Variants in TIA1 observed in about 807,000 individuals in gnomAD.
TIA1 encodes TIA1 cytotoxic granule associated RNA binding protein, also known as cytotoxic granule associated RNA binding protein TIA1.
Under a neutral mutation model 65.9 loss-of-function variants are expected in TIA1, and 23 were observed. The observed-to-expected ratio is 0.35, with a 90% CI of 0.25 to 0.49. The LOEUF is 0.49. Among genes scored for constraint, TIA1 ranks in the 20% least tolerant of loss-of-function variants. The probability of loss-of-function intolerance (pLI) is 0.98; values close to 1 mark genes in which losing one functional copy is unlikely to be tolerated. For missense variants in TIA1, 371 were observed against 477.9 expected (o/e 0.78, Z 2.09); for synonymous variants, 147 against 149.4 (o/e 0.98, Z 0.12).
chr2:70,237,894 G>C (rs1689753445), intron 1 of TIA1, among the ~76,000 whole-genome samples: 1 of 151,782 alleles, frequency 6.6e-6, no homozygotes, highest in African/African-American at 2.4e-5. Context: ...GGGTGCGGTG[G>C]CTCATGCCTG....
chr2:70,212,650 A>T lies in TIA1; in HGVS notation c.*69T>A. 1 of 910,032 alleles carries T rather than the reference A, an allele frequency of 1.1e-6. No individual in the cohort carries two copies. The highest frequency in any genetic ancestry group is 1.8e-6 in the Non-Finnish European group (1 of 542,760). The allele number at this position is 910,032 out of a possible 1,614,324, so 56.4% of individuals were successfully genotyped here. On this transcript the variant is annotated 3_prime_UTR_variant, in exon 13 of 13. Coordinates refer to ENST00000433529, the MANE Select transcript of TIA1 (RefSeq NM_022173.4). ...GCACTGACTGATTTGATAAATCTTT[A>T]AGTAAACAACGGCTTTACTACACTC...
chr2:70,228,961 CCCG>C, intron 5 of TIA1, 95 bp downstream of exon 5: 1 of 215,952 alleles, frequency 4.6e-6, no homozygotes, highest in Non-Finnish European at 6.9e-6. Context: ...AATATCTCCT[CCCG>C]CCCCCCTCCC....
chr2:70,218,274 A>T (rs1030939457), intron 7 of TIA1, among the ~76,000 whole-genome samples: 3 of 152,224 alleles, frequency 2.0e-5, no homozygotes. Context: ...AGTAGAGAGA[A>T]AAGTATTGCA....
chr2:70,214,805 A>C, intron 11 of TIA1, among the ~76,000 whole-genome samples: 1 of 152,198 alleles, frequency 6.6e-6, no homozygotes, highest in East Asian at 1.9e-4. Context: ...TATACTATCT[A>C]CATGATTGTT....
intron 1 of TIA1, among the ~76,000 whole-genome samples, chr2:70,240,246 C>G (rs183637314): frequency 4.1e-4 from 63 of 152,280 alleles, no homozygotes; most frequent in Admixed American, 7.2e-4. Context: ...ATGAATTACA[C>G]AGTATCACCT....
intron 2 of TIA1, among the ~76,000 whole-genome samples, chr2:70,235,236 A>G (rs1688279797): frequency 6.6e-6 from 1 of 152,110 alleles, no homozygotes; most frequent in East Asian, 1.9e-4. Flanking sequence ...ACCAACATGG[A>G]GAAACCCCAT....
rs990148414 is a variant in TIA1 at position 70,229,334 on chromosome 2, T to G, written c.223-16A>C. The G allele has an allele frequency of 1.9e-6, 3 of 1,582,638 alleles. No homozygotes were observed. Among genetic ancestry groups the G allele is most frequent in the Non-Finnish European group, 2.6e-6 (3 of 1,159,666 alleles). On this transcript the variant is annotated splice_polypyrimidine_tract_variant and intron_variant, in intron 3 of 12. Transcript: ENST00000433529. ...CTTTGACTTCCTAAAAAAAAAAAATTTCTACATTTATACTTCACAAAAATA... is the reference window on the plus strand; with the variant it reads ...CTTTGACTTCCTAAAAAAAAAAAATGTCTACATTTATACTTCACAAAAATA...
intron 1 of TIA1, among the ~76,000 whole-genome samples, chr2:70,239,301 C>T (rs566087432): frequency 6.6e-6 from 1 of 152,198 alleles, no homozygotes; most frequent in South Asian, 2.1e-4. Context: ...ACCATGTTAG[C>T]CAGGATGGTC....
chr2:70,230,653 A>C (rs1204561407), intron 3 of TIA1, 103 bp downstream of exon 3: 1 of 292,082 alleles, frequency 3.4e-6, no homozygotes, highest in Non-Finnish European at 4.8e-6. Flanking sequence ...ATTTCATCTC[A>C]AAAAAAAAAA....
intron 2 of TIA1, among the ~76,000 whole-genome samples, chr2:70,235,402 C>A (rs1241881212): frequency 1.3e-5 from 2 of 151,924 alleles, no homozygotes; most frequent in African/African-American, 4.8e-5. Context: ...GCAACAAGAG[C>A]AAAACTCCGT....
chr2:70,222,682 G>A (rs149420536), intron 7 of TIA1, among the ~76,000 whole-genome samples: 288 of 152,316 alleles, frequency 1.9e-3, no homozygotes, highest in African/African-American at 6.1e-3. Flanking sequence ...CTGGGAGGCC[G>A]AGGCAGGTGG....
intron 1 of TIA1, among the ~76,000 whole-genome samples, chr2:70,243,007 A>G (rs993938046): frequency 5.3e-5 from 8 of 152,226 alleles, no homozygotes; most frequent in African/African-American, 1.4e-4. Context: ...CTCTATAAAT[A>G]TCTGTTAAAG....
At position 70,224,850 on chromosome 2, in the gene TIA1, G is replaced by A. The variant is rs1398383635; in HGVS notation, c.399-221C>T. On this transcript the variant is annotated intron_variant, in intron 6 of 12. Transcript: ENST00000433529. ...TTAAGTATATATGTATATTTATATTGTACAGAAATTGCCTCTCTCTTCAAA... is the reference window on the plus strand; with the variant it reads ...TTAAGTATATATGTATATTTATATTATACAGAAATTGCCTCTCTCTTCAAA... The A allele has an allele frequency of 3.1e-6, 4 of 1,270,894 alleles. No individual in the cohort carries two copies. The South Asian group carries it at 7.8e-5, about 25-fold the overall frequency. 78.7% of individuals were successfully genotyped at this position (1,270,894 alleles called of 1,614,324 possible).
chr2:70,225,180 A>G, intron 6 of TIA1: 2 of 1,026,702 alleles, frequency 1.9e-6, no homozygotes, highest in Non-Finnish European at 2.3e-6. Context: ...AAATCATTGA[A>G]GAAAAATACT....
chr2:70,215,262 A>G (rs1678080733), intron 11 of TIA1, 109 bp downstream of exon 11: 4 of 1,412,490 alleles, frequency 2.8e-6, no homozygotes, highest in Non-Finnish European at 3.9e-6. Context: ...GAGCCCTTAT[A>G]TACTATCATT....
chr2:70,216,276 C>T lies in TIA1; in HGVS notation c.696G>A (p.Gln232=). The stretch of plus-strand genomic sequence containing the variant: ...TTATTTGTCCAAATGGTGAAAAAGT[C>T]TGACGCATTAGTTGTTCTGTTAGAC... ...TSGLTEQLMR[Q]TFSPFGQIME... is the part of the protein sequence containing the mutation. The change falls in exon 10 of 13, where the codon CAG becomes CAA. Residue 232 remains glutamine (Q), a synonymous_variant. Transcript: ENST00000433529. The T allele has an allele frequency of 1.3e-6, 2 of 1,594,316 alleles. No individual in the cohort carries two copies. The highest frequency in any genetic ancestry group is 1.7e-6 in the Non-Finnish European group (2 of 1,174,726).
At chr2:70,218,267 A>G (rs2441356) in intron 7 of TIA1, among the ~76,000 whole-genome samples, 83,606 of 152,108 alleles carry the variant, frequency 0.55, 25,896 homozygotes, top group African/African-American at 0.84. Context: ...AAGCCCCAGT[A>G]GAGAGAAAAG....
chr2:70,246,332 A>C (rs1694290257), intron 1 of TIA1, among the ~76,000 whole-genome samples: 1 of 152,214 alleles, frequency 6.6e-6, no homozygotes, highest in Admixed American at 6.5e-5. Flanking sequence ...TGCTAAGAAC[A>C]TATATTAAAA....
chr2:70,228,352 G>T, intron 5 of TIA1: 2 of 1,285,944 alleles, frequency 1.6e-6, no homozygotes, highest in Non-Finnish European at 2.0e-6. Context: ...ACCTTGCATT[G>T]CAACAGTTTG....
Sources: allele counts gnomAD v4.1 joint callset (sites outside exome capture counted in the v4.1 genomes callset), GRCh38; gene constraint gnomAD v4.1.1; transcripts MANE v1.5; gene names NCBI Gene and HGNC (gene_info 2026-07-23, HGNC 2026-07-21).